The following URB1 variants were observed in gnomAD, a reference collection of about 807,000 sequenced individuals.
The protein encoded by URB1 is nucleolar pre-ribosomal-associated protein 1.
Under a neutral mutation model 242.3 loss-of-function variants are expected in URB1, and 197 were observed. The ratio of observed to expected loss-of-function variants is 0.81; its 90% CI spans 0.72 to 0.91. The LOEUF (loss-of-function observed/expected upper bound fraction) is 0.91, where lower values mean the gene tolerates loss of function less well. Ranked by LOEUF, URB1 falls within the 40% of genes least tolerant of loss-of-function variation. The pLI is 0.00. For missense variants in URB1, 2,721 were observed against 2,860.5 expected (o/e 0.95, Z 1.11); for synonymous variants, 1,153 against 1,201.8 (o/e 0.96, Z 0.84).
At chr21:32,330,735 TAGG>T (rs1379405578) in intron 30 of URB1, among the ~76,000 whole-genome samples, 6 of 152,258 alleles carry the variant, frequency 3.9e-5, no homozygotes, top group Non-Finnish European at 8.8e-5. Flanking sequence ...GGCCACTGAC[TAGG>T]AGATCTGCTG....
chr21:32,378,357 C>A, intron 5 of URB1, 88 bp downstream of exon 5: 1 of 1,258,142 alleles, frequency 7.9e-7, no homozygotes, highest in South Asian at 1.3e-5. Context: ...GCAAAGGCTG[C>A]AGACTTTTTT....
chr21:32,341,517 A>G lies in URB1; in HGVS notation c.4265T>C (p.Leu1422Pro). The G allele has an allele frequency of 6.4e-7, 1 of 1,551,502 alleles. No homozygotes were observed. Among genetic ancestry groups the G allele is most frequent in the Non-Finnish European group, 8.7e-7 (1 of 1,146,950 alleles). ...LLRLNALLHA[L>P]NEVDPGDWQK... is the part of the protein sequence containing the mutation. ...CCAGTCACCAGGATCAACTTCATTAAGTGCATGCTATGAATAAAATAAGTA... is the reference window on the plus strand; with the variant it reads ...CCAGTCACCAGGATCAACTTCATTAGGTGCATGCTATGAATAAAATAAGTA... Residue 1422 changes from leucine (L) to proline (P), a missense_variant, in exon 25 of 39, where the codon CTT becomes CCT. Leu to Pro is a moderately conservative substitution (Grantham distance 98). Coordinates refer to ENST00000382751, the MANE Select transcript of URB1 (RefSeq NM_014825.3).
chr21:32,363,590 G>GT (rs1227722449), intron 10 of URB1, among the ~76,000 whole-genome samples: 2 of 152,174 alleles, frequency 1.3e-5, no homozygotes, highest in African/African-American at 4.8e-5. Context: ...CTGCTCTTTG[G>GT]TAAGCCTTGA....
intron 21 of URB1, 105 bp from the exon 22 acceptor site, chr21:32,347,916 G>A (rs1166950090): frequency 7.0e-7 from 1 of 1,424,536 alleles, no homozygotes; most frequent in African/African-American, 1.4e-5. Context: ...ACAGAGAGCA[G>A]AAGGCCCCTT....
intron 1 of URB1, among the ~76,000 whole-genome samples, chr21:32,385,982 T>A (rs1282671215): frequency 6.6e-6 from 1 of 151,984 alleles, no homozygotes; most frequent in Non-Finnish European, 1.5e-5. Context: ...TGAAACCCCC[T>A]CTCTACTAAA....
intron 1 of URB1, among the ~76,000 whole-genome samples, chr21:32,386,478 C>T (rs2033585016): frequency 6.6e-6 from 1 of 152,104 alleles, no homozygotes; most frequent in African/African-American, 2.4e-5. Flanking sequence ...TTTAAGCCAC[C>T]CAGTCTATGG....
chr21:32,342,816 G>A (rs1325040381), intron 24 of URB1, among the ~76,000 whole-genome samples: 1 of 151,942 alleles, frequency 6.6e-6, no homozygotes, highest in Non-Finnish European at 1.5e-5. Context: ...GACATAAATG[G>A]CCAAGTGTGC....
chr21:32,384,746 C>T (rs1209302028), intron 2 of URB1, among the ~76,000 whole-genome samples: 1 of 152,212 alleles, frequency 6.6e-6, no homozygotes, highest in Non-Finnish European at 1.5e-5. Flanking sequence ...CTTTGGGAGG[C>T]TGAGGTGGGC....
intron 18 of URB1, 144 bp downstream of exon 18, chr21:32,353,789 G>C (rs1035856849): frequency 1.0e-6 from 1 of 969,004 alleles, no homozygotes; most frequent in Non-Finnish European, 1.5e-6. Context: ...TCTGCTGGCT[G>C]GGTAGCTATC....
intron 3 of URB1, 74 bp from the exon 4 acceptor site, chr21:32,383,628 G>C: frequency 7.1e-7 from 1 of 1,412,588 alleles, no homozygotes; most frequent in Non-Finnish European, 9.3e-7. Context: ...CACAAAGCCA[G>C]CTGCAAGCTG....
At position 32,353,732 on chromosome 21, in the gene URB1, C is replaced by A. The variant is rs147557707; in HGVS notation, c.2416+201G>T. On this transcript the variant is annotated intron_variant, in intron 18 of 38. Transcript: ENST00000382751. ...AGACTCACGCTCAAATGACCAATTT[C>A]CCAAAAGCCTAGCCAGCCCCAAGAT... 7.8e-4 allele frequency among the ~76,000 whole-genome samples: 119 copies of A among 152,322 alleles called. No homozygotes were observed. The Middle Eastern group carries it at 0.01, about 13-fold the overall frequency.
At chr21:32,342,441 C>A (rs1169444466) in intron 24 of URB1, among the ~76,000 whole-genome samples, 2 of 152,234 alleles carry the variant, frequency 1.3e-5, no homozygotes, top group Admixed American at 1.3e-4. Flanking sequence ...GACCCATCAG[C>A]TGAGGTATAT....
rs149408055 is a variant in URB1, at chr21:32,334,097, G to A, written c.4857+66C>T. The A allele has an allele frequency of 8.8e-4, 1,280 of 1,450,890 alleles. 5 individuals are homozygous for A. The highest frequency in any genetic ancestry group is 8.1e-3 in the Middle Eastern group (38 of 4,696). The allele number at this position is 1,450,890 out of a possible 1,614,324, so 89.9% of individuals were successfully genotyped here. Reference sequence around the variant, plus strand: ...AAATAACAAGAAAAACGAAGCTGAGGGTGCAGATGGAGCCCCTGAGGCTGG... The same window carrying A: ...AAATAACAAGAAAAACGAAGCTGAGAGTGCAGATGGAGCCCCTGAGGCTGG... On this transcript the variant is annotated intron_variant, in intron 29 of 38. Transcript: ENST00000382751.
At chr21:32,375,624 C>T (rs1282986177) in intron 5 of URB1, 141 bp from the exon 6 acceptor site, 12 of 525,324 alleles carry the variant, frequency 2.3e-5, no homozygotes, top group Admixed American at 1.6e-4. Context: ...TACAAGTTTC[C>T]GGTAGAAATA....
chr21:32,320,196 A>G (rs1426525895), intron 35 of URB1, among the ~76,000 whole-genome samples: 4 of 152,236 alleles, frequency 2.6e-5, no homozygotes, highest in Non-Finnish European at 5.9e-5. Flanking sequence ...TTCAGAGCAC[A>G]GAAGGCTGCT....
Position 32,384,446 on chromosome 21 carries a change from C to T in URB1, c.301G>A (p.Val101Ile). The T allele has an allele frequency of 6.4e-7, 1 of 1,551,226 alleles. No individual in the cohort carries two copies. Among genetic ancestry groups the T allele is most frequent in the South Asian group, 1.2e-5 (1 of 84,050 alleles). Residue 101 changes from valine to isoleucine, a missense_variant, in exon 3 of 39, where the codon GTT becomes ATT. By Grantham distance (29) the Val-to-Ile change is conservative. Coordinates refer to ENST00000382751, the MANE Select transcript of URB1 (RefSeq NM_014825.3). ...GTCCGCAATAATATGGCCTCGAAAA[C>T]TTGAAATATTAACATCGTCTGCAAA... Reference protein sequence around the residue: ...PESETMLIFQVFEAILLRTAS... With the variant: ...PESETMLIFQIFEAILLRTAS...
chr21:32,316,875 G>T lies in URB1; in HGVS notation c.6225C>A (p.Pro2075=), dbSNP rs1439260445. The change falls in exon 38 of 39, where the codon CCC becomes CCA. Residue 2075 remains proline, a synonymous_variant. Coordinates refer to ENST00000382751, the MANE Select transcript of URB1 (RefSeq NM_014825.3). ...TGGCTGAGTCCACAGGCTCCTGAGT[G>T]GGGTCAGGACCAGGGATCACTGGTC... ...YWRPVIPGPD[P]TQEPVDSASP... 1 of 1,551,426 alleles carries T rather than the reference G, an allele frequency of 6.4e-7. No homozygotes were observed. Among genetic ancestry groups the T allele is most frequent in the Non-Finnish European group, 8.7e-7 (1 of 1,146,860 alleles).
intron 4 of URB1, among the ~76,000 whole-genome samples, chr21:32,380,909 A>T (rs1408362616): frequency 1.3e-5 from 2 of 152,210 alleles, no homozygotes; most frequent in Admixed American, 1.3e-4. Flanking sequence ...CTGCTGGTAC[A>T]CAGCAGAACT....
intron 17 of URB1, among the ~76,000 whole-genome samples, chr21:32,354,324 G>A (rs956662116): frequency 6.6e-6 from 1 of 152,172 alleles, no homozygotes; most frequent in Non-Finnish European, 1.5e-5. Context: ...CAGCTGAGGT[G>A]GTAATAGGTT....
Sources: gnomAD v4.1 joint callset for allele counts (sites outside exome capture counted in the v4.1 genomes callset) on GRCh38, gnomAD v4.1.1 for gene constraint, MANE v1.5 for transcripts, NCBI Gene and HGNC (gene_info 2026-07-23, HGNC 2026-07-21) for gene names.